Variants in ADGRA3 observed in about 807,000 individuals in gnomAD.
ADGRA3 encodes adhesion G protein-coupled receptor A3, also known as G-protein coupled receptor 125.
A neutral mutation model predicts 119.8 loss-of-function variants in ADGRA3; 56 were observed. That is an observed-to-expected ratio of 0.47 (90% CI 0.38 to 0.58). The LOEUF is 0.58. ADGRA3 is among the 20% of genes least tolerant of loss of function. ADGRA3 has a pLI of 0.00. For synonymous variants in ADGRA3, 607 were observed against 623.8 expected (o/e 0.97, Z 0.40); for missense variants, 1,516 against 1,649.0 (o/e 0.92, Z 1.40).
chr4:22,436,390 A>T (rs1358748485), intron 9 of ADGRA3, 50 bp downstream of exon 9: 18 of 1,451,232 alleles, frequency 1.2e-5, no homozygotes, highest in Non-Finnish European at 1.7e-5. Context: ...TTTGGTTTGA[A>T]TACCATGTTT....
intron 1 of ADGRA3, among the ~76,000 whole-genome samples, chr4:22,485,058 C>T (rs1251090008): frequency 6.6e-6 from 1 of 152,156 alleles, no homozygotes; most frequent in African/African-American, 2.4e-5. Context: ...CCATTTCTCC[C>T]TTCAGCCCAC....
At chr4:22,392,189 C>T (rs903890874) in intron 17 of ADGRA3, among the ~76,000 whole-genome samples, 2 of 152,216 alleles carry the variant, frequency 1.3e-5, no homozygotes, top group African/African-American at 4.8e-5. Flanking sequence ...CTGATACATA[C>T]TTGAGTATGA....
chr4:22,455,704 G>T (rs1717212355), intron 3 of ADGRA3: 1 of 579,926 alleles, frequency 1.7e-6, no homozygotes, highest in Non-Finnish European at 2.6e-6. Flanking sequence ...TGACATCAAG[G>T]ACAATGAACA....
chr4:22,405,990 G>C (rs935003584), intron 14 of ADGRA3, among the ~76,000 whole-genome samples: 1 of 151,936 alleles, frequency 6.6e-6, no homozygotes, highest in African/African-American at 2.4e-5. Context: ...CCCAGCCTCT[G>C]GTATTTTCCA....
chr4:22,445,091 C>T lies in ADGRA3; in HGVS notation c.588G>A (p.Leu196=). Residue 196 remains leucine, a synonymous_variant, in exon 6 of 19, where the codon CTG becomes CTA. Coordinates refer to ENST00000334304, the MANE Select transcript of ADGRA3 (RefSeq NM_145290.4). ...TEYLLCDCNI[L]WMHRWVKEKN... is the part of the protein sequence containing the mutation. ...TCTCCTTTACCCAGCGATGCATCCA[C>T]AGTATGTTACAGTCACACAAAAGAT... The T allele has an allele frequency of 6.2e-7, 1 of 1,613,920 alleles. No individual in the cohort carries two copies. The highest frequency in any genetic ancestry group is 8.5e-7 in the Non-Finnish European group (1 of 1,179,850).
intron 17 of ADGRA3, among the ~76,000 whole-genome samples, chr4:22,391,619 T>C (rs978848507): frequency 1.3e-5 from 2 of 151,822 alleles, no homozygotes; most frequent in Non-Finnish European, 2.9e-5. Context: ...ACTAGAGCCA[T>C]AGCTATCCTT....
intron 1 of ADGRA3, among the ~76,000 whole-genome samples, chr4:22,479,742 A>T (rs1004358396): frequency 1.8e-4 from 28 of 152,186 alleles, no homozygotes; most frequent in African/African-American, 6.0e-4. Context: ...ACTTGGAACC[A>T]ACCCAAATGC....
intron 1 of ADGRA3, among the ~76,000 whole-genome samples, chr4:22,511,688 T>C (rs1319067194): frequency 6.6e-6 from 1 of 151,998 alleles, no homozygotes; most frequent in African/African-American, 2.4e-5. Context: ...AGCCTGGCCA[T>C]CCTCGACTCA....
chr4:22,475,728 G>GAA lies in ADGRA3; in HGVS notation c.258-1887_258-1886dup, dbSNP rs140746057. On this transcript the variant is annotated intron_variant, in intron 1 of 18. Transcript: ENST00000334304. ...GGCAACAGAGCGAGACTCCGTCTCG[G>GAA]AAAAAAAAATAAATAAATAAAAAAA... Among the ~76,000 whole-genome samples the GAA allele has an allele frequency of 1.6e-3, 230 of 146,662 alleles. 1 individual carries two copies. Among genetic ancestry groups the GAA allele is most frequent in the African/African-American group, 2.1e-3 (81 of 39,358 alleles).
At chr4:22,501,458 C>T (rs1719045319) in intron 1 of ADGRA3, among the ~76,000 whole-genome samples, 1 of 152,052 alleles carries the variant, frequency 6.6e-6, no homozygotes, top group African/African-American at 2.4e-5. Flanking sequence ...ACCATTAAGG[C>T]TTATCAGTTT....
intron 4 of ADGRA3, among the ~76,000 whole-genome samples, chr4:22,451,628 A>C (rs964548): frequency 0.98 from 149,104 of 152,134 alleles, 73,141 homozygotes; most frequent in Non-Finnish European, 1. Flanking sequence ...AAAAAAAATT[A>C]TTAAATTTCC....
chr4:22,450,267 C>CTT (rs200219926), intron 4 of ADGRA3, among the ~76,000 whole-genome samples: 26 of 143,666 alleles, frequency 1.8e-4, no homozygotes, highest in East Asian at 6.1e-4. Flanking sequence ...CTTTATGCTT[C>CTT]TTTTTTTTTT....
intron 4 of ADGRA3, among the ~76,000 whole-genome samples, chr4:22,448,115 T>C (rs763947855): frequency 6.6e-6 from 1 of 152,166 alleles, no homozygotes; most frequent in South Asian, 2.1e-4. Flanking sequence ...TTTGAATGAA[T>C]GGAACTCAGA....
chr4:22,416,472 T>A (rs960394612), intron 12 of ADGRA3, among the ~76,000 whole-genome samples: 31 of 152,270 alleles, frequency 2.0e-4, no homozygotes, highest in African/African-American at 6.5e-4. Flanking sequence ...ACTGCACGAC[T>A]TTGTTTAACC....
At chr4:22,472,456 C>T (rs941571438) in intron 2 of ADGRA3, among the ~76,000 whole-genome samples, 2 of 152,096 alleles carry the variant, frequency 1.3e-5, no homozygotes, top group African/African-American at 2.4e-5. Context: ...AGCACATGGA[C>T]GACATGGAAC....
At chr4:22,470,081 C>T (rs1008694066) in intron 2 of ADGRA3, among the ~76,000 whole-genome samples, 1 of 152,148 alleles carries the variant, frequency 6.6e-6, no homozygotes, top group Non-Finnish European at 1.5e-5. Flanking sequence ...ATGGAAAAGA[C>T]TCATTACCTG....
intron 17 of ADGRA3, among the ~76,000 whole-genome samples, chr4:22,392,003 AGGGAGTCTTCT>A (rs1463499871): frequency 6.6e-6 from 1 of 152,198 alleles, no homozygotes; most frequent in Non-Finnish European, 1.5e-5. Context: ...CCAAAGGGCA[AGGGAGTCTTCT>A]GTAAATCCCT....
Position 22,438,340 on chromosome 4 carries a change from G to C in ADGRA3, c.1001C>G (p.Thr334Arg), listed in dbSNP as rs1380838808. ...CHVQTKRGNNTRTVDIVVLES... is the reference protein window; with the variant it reads ...CHVQTKRGNNRRTVDIVVLES... ...TAATACCACAATATCCACAGTCCTC[G>C]TATTATTCCCACGTTTGGTCTGGAC... Residue 334 changes from threonine to arginine, a missense_variant, in exon 8 of 19, where the codon ACG (threonine) becomes AGG (arginine). This residue lies in a region of ADGRA3 where 428 missense variants were observed against 541.9 expected (regional missense o/e 0.79). Transcript: ENST00000334304. The C allele has an allele frequency of 2.5e-6, 4 of 1,612,792 alleles. No homozygotes were observed. The South Asian group carries it at 4.4e-5, about 18-fold the overall frequency.
chr4:22,403,501 G>C (rs910016128), intron 14 of ADGRA3, among the ~76,000 whole-genome samples: 1 of 152,050 alleles, frequency 6.6e-6, no homozygotes, highest in African/African-American at 2.4e-5. Context: ...ACTTTAGGAG[G>C]CTGAGGTGGG....
Sources: allele counts gnomAD v4.1 joint callset (sites outside exome capture counted in the v4.1 genomes callset), GRCh38; gene constraint gnomAD v4.1.1; regional missense constraint gnomAD v4.1.1; transcripts MANE v1.5; gene names NCBI Gene and HGNC (gene_info 2026-07-23, HGNC 2026-07-21).